SAG: variants seen among roughly 807,000 people sequenced by gnomAD.
The protein encoded by SAG is S-antigen visual arrestin, also known as S-arrestin.
In SAG, 45 loss-of-function variants were observed where a neutral mutation model predicts 55.0. The observed-to-expected ratio is 0.82, with a 90% confidence interval of 0.64 to 1.05. SAG has a LOEUF of 1.05. Among genes scored for constraint, SAG ranks in the 50% least tolerant of loss-of-function variants. The pLI is 0.00. For synonymous variants in SAG, 189 were observed against 197.4 expected, an observed-to-expected ratio of 0.96 and a Z score of 0.36; for missense variants, 455 against 512.1, an observed-to-expected ratio of 0.89 and a Z score of 1.08.
chr2:233,327,519 T>C, intron 7 of SAG: 2 of 223,168 alleles, frequency 9.0e-6, no homozygotes, highest in Non-Finnish European at 1.8e-5. Context: ...CAACATGAAG[T>C]TTGCCATTTT....
chr2:233,316,554 G>A (rs956195048), intron 3 of SAG, among the ~76,000 whole-genome samples: 26 of 152,148 alleles, frequency 1.7e-4, no homozygotes, highest in South Asian at 6.2e-4. Context: ...CAGGTGATCC[G>A]CCCGCCTCGG....
intron 8 of SAG, 169 bp from the exon 9 acceptor site, chr2:233,329,324 T>C (rs562481787): frequency 1.7e-6 from 1 of 590,748 alleles, no homozygotes; most frequent in African/African-American, 1.9e-5. Context: ...ATGGGTGGAA[T>C]GTGTTTCAGG....
chr2:233,320,521 C>A, intron 4 of SAG, 109 bp from the exon 5 acceptor site: 1 of 784,150 alleles, frequency 1.3e-6, no homozygotes. Context: ...CAGCCCCTAT[C>A]CCCTCCAGAT....
chr2:233,308,683 T>C (rs1019309984), intron 1 of SAG, among the ~76,000 whole-genome samples: 7 of 152,174 alleles, frequency 4.6e-5, no homozygotes, highest in Non-Finnish European at 8.8e-5. Flanking sequence ...CGCTTCAGCC[T>C]CCCAGAATGT....
intron 3 of SAG, among the ~76,000 whole-genome samples, chr2:233,317,155 C>A (rs1248488140): frequency 1.3e-5 from 2 of 152,234 alleles, no homozygotes; most frequent in African/African-American, 4.8e-5. Context: ...AGCCACTGCA[C>A]CCAGCAGCAG....
intron 9 of SAG, among the ~76,000 whole-genome samples, chr2:233,330,491 T>C (rs986667231): frequency 4.7e-5 from 6 of 127,930 alleles, no homozygotes; most frequent in Admixed American, 3.1e-4. Flanking sequence ...CTTCCTTCCT[T>C]CCTTCCTTCC....
chr2:233,323,248 G>A (rs1700441283), intron 6 of SAG, among the ~76,000 whole-genome samples: 1 of 152,118 alleles, frequency 6.6e-6, no homozygotes, highest in Non-Finnish European at 1.5e-5. Flanking sequence ...GTGTGGAGGC[G>A]GGGTTTCACC....
At chr2:233,315,545 A>C (rs1312709662) in intron 2 of SAG, among the ~76,000 whole-genome samples, 11 of 150,726 alleles carry the variant, frequency 7.3e-5, no homozygotes, top group Non-Finnish European at 1.5e-5. Flanking sequence ...CGCCCGCCTC[A>C]GCCTCCCAAA....
chr2:233,335,146 T>TG, intron 11 of SAG, 47 bp downstream of exon 11: 1 of 1,581,576 alleles, frequency 6.3e-7, no homozygotes, highest in Non-Finnish European at 8.6e-7. Flanking sequence ...GGCGGGCTGG[T>TG]GCTGGTCTGC....
At chr2:233,325,203 CAA>C (rs3085261) in intron 6 of SAG, among the ~76,000 whole-genome samples, 473 of 128,386 alleles carry the variant, frequency 3.7e-3, no homozygotes, top group South Asian at 7.9e-3. Context: ...GGCTCCATCT[CAA>C]AAAAAAAAAA....
At chr2:233,316,932 G>T (rs1344483779) in intron 3 of SAG, among the ~76,000 whole-genome samples, 1 of 152,146 alleles carries the variant, frequency 6.6e-6, no homozygotes, top group Non-Finnish European at 1.5e-5. Context: ...CGAGATCTTG[G>T]CTCACTGCAA....
chr2:233,327,762 C>A (rs1454036817), intron 7 of SAG: 2 of 151,992 alleles, frequency 1.3e-5, no homozygotes, highest in African/African-American at 4.9e-5. Context: ...GTTGGCCAGG[C>A]TGGTCTTGAA....
At chr2:233,328,428 A>C in intron 7 of SAG, 50 bp from the exon 8 acceptor site, 1 of 1,593,352 alleles carries the variant, frequency 6.3e-7, no homozygotes, top group Non-Finnish European at 8.6e-7. Flanking sequence ...AAGCCTCCCT[A>C]AAGCGGCCTG....
intron 1 of SAG, 93 bp from the exon 2 acceptor site, chr2:233,309,069 G>C: frequency 1.4e-6 from 1 of 701,416 alleles, no homozygotes; most frequent in Non-Finnish European, 2.5e-6. Context: ...ACAGGATCTC[G>C]TGAGTAGGTT....
chr2:233,318,876 C>A, intron 4 of SAG, 81 bp downstream of exon 4: 2 of 1,241,514 alleles, frequency 1.6e-6, no homozygotes, highest in Non-Finnish European at 2.4e-6. Flanking sequence ...GGGGCATTTA[C>A]ATGGAAGGAG....
intron 11 of SAG, among the ~76,000 whole-genome samples, chr2:233,337,392 C>G (rs6431322): frequency 0.07 from 10,595 of 152,168 alleles, 446 homozygotes; most frequent in South Asian, 0.11. Context: ...GCTCCCACCA[C>G]CACGCCTGGC....
Position 233,331,711 on chromosome 2 carries a change from C to T in SAG, c.805C>T (p.Gln269Ter). ...YVKPVAMEEA[Q>*]EKVPPNSTLT... ...CAAGCCCGTGGCTATGGAGGAAGCG[C>T]AGTGAGTAGCTGTTGGGGTTTCCGT... is the stretch of plus-strand genomic sequence containing the variant. Residue 269 changes from glutamine to a stop codon, truncating the protein, a stop_gained and splice_region_variant, in exon 10 of 16, where the codon CAA becomes TAA. Transcript: ENST00000409110. LOFTEE classifies it high-confidence loss of function. 1.2e-6 allele frequency: 2 copies of T among 1,611,348 alleles called. No homozygotes were observed. Among genetic ancestry groups the T allele is most frequent in the South Asian group, 1.1e-5 (1 of 90,900 alleles).
intron 14 of SAG, chr2:233,343,016 C>CT (rs1701148792): frequency 6.5e-6 from 1 of 152,850 alleles, no homozygotes; most frequent in Non-Finnish European, 1.5e-5. Context: ...CCTCATCCTC[C>CT]CAAAGTGCTG....
Position 233,319,362 on chromosome 2 carries a change from G to A in SAG, c.181+567G>A, listed in dbSNP as rs1191729119. ...GATGGTTCTGAACCAGTGTCACGGCGCCCTTGAAGATTTCTGGCAGTTTTG... is the reference window on the plus strand; with the variant it reads ...GATGGTTCTGAACCAGTGTCACGGCACCCTTGAAGATTTCTGGCAGTTTTG... On this transcript the variant is annotated intron_variant, in intron 4 of 15. Coordinates refer to ENST00000409110, the MANE Select transcript of SAG (RefSeq NM_000541.5). The surrounding 1 kb of genome is among the most constrained non-coding windows in gnomAD (Gnocchi z 4.4). 2.0e-5 allele frequency among the ~76,000 whole-genome samples: 3 copies of A among 152,140 alleles called. No homozygotes were observed. Among genetic ancestry groups the A allele is most frequent in the Admixed American group, 1.3e-4 (2 of 15,268 alleles).
Sources: gnomAD v4.1 joint callset for allele counts (sites outside exome capture counted in the v4.1 genomes callset) on GRCh38, gnomAD v4.1.1 for gene constraint, Gnocchi (gnomAD v3.1) non-coding constraint, MANE v1.5 for transcripts, NCBI Gene and HGNC (gene_info 2026-07-23, HGNC 2026-07-21) for gene names.